UTY: variants seen among roughly 807,000 people sequenced by gnomAD.
UTY encodes the protein ubiquitously transcribed tetratricopeptide repeat containing, Y-linked, also known as histone demethylase UTY.
A neutral mutation model predicts 32.5 loss-of-function variants in UTY; 12 were observed. The ratio of observed to expected loss-of-function variants is 0.37; its 90% CI spans 0.24 to 0.60. The LOEUF (loss-of-function observed/expected upper bound fraction) is 0.60. Ranked by LOEUF, UTY falls within the 20% of genes least tolerant of loss-of-function variation. The pLI is 0.69. For synonymous variants in UTY, 131 were observed against 103.4 expected (o/e 1.27, Z -1.62); for missense variants, 303 against 299.2 (o/e 1.01, Z -0.09).
chrY:13,251,112 A>G lies in UTY; in HGVS notation c.4213T>C (p.Cys1405Arg). The change falls in exon 29 of 30, where the codon TGT becomes CGT. Residue 1405 changes from cysteine to arginine, a missense_variant. Cys to Arg is a radical substitution (Grantham distance 180). Transcript: ENST00000545955. ...AAACTTTTGCTTGTTTTTCGTGCAC[A>G]ATCATGGCAATGTACTATGTAGGTT... ...QKTYIVHCHD[C>R]ARKTSKSLEN... is the part of the protein sequence containing the mutation. 1 of 398,534 alleles carries G rather than the reference A, an allele frequency of 2.5e-6. No homozygotes were observed. Among genetic ancestry groups the G allele is most frequent in the Non-Finnish European group, 3.5e-6 (1 of 283,343 alleles).
At position 13,320,243 on chromosome Y, in the gene UTY, CTT is replaced by C. The variant is rs746155855; in HGVS notation, c.3276+3310_3276+3311del. On this transcript the variant is annotated intron_variant, in intron 21 of 29. Transcript: ENST00000545955. ...GTGTAAATGTACATTATTAGTAACA[CTT>C]ATAATAGTTATGTTAAATTATTGTG... Among the ~76,000 whole-genome samples the C allele has an allele frequency of 5.5e-4, 18 of 32,999 alleles. No homozygotes were observed. The East Asian group carries it at 0.014, about 26-fold the overall frequency. The allele number at this position is 32,999 out of a possible 37,273, so 88.5% of individuals were successfully genotyped here. A position where few individuals can be genotyped will look rare whatever the true frequency, so the allele number is the denominator to read the frequency against.
downstream of UTY, among the ~76,000 whole-genome samples, chrY:13,245,858 T>G: frequency 2.9e-5 from 1 of 34,158 alleles, no homozygotes. Flanking sequence ...ATCAGATCCC[T>G]TCTCCAGTTA....
chrY:13,239,301 A>T, intron 28 of UTY, among the ~76,000 whole-genome samples: 2 of 33,856 alleles, frequency 5.9e-5, no homozygotes, highest in African/African-American at 2.3e-4. Context: ...TAAAAGAATG[A>T]AAAAGAATTA....
At chrY:13,433,476 C>T in intron 4 of UTY, among the ~76,000 whole-genome samples, 1 of 33,354 alleles carries the variant, frequency 3.0e-5, no homozygotes, top group Non-Finnish European at 7.4e-5. Context: ...TGGACCACTG[C>T]TATCTACGAG....
At chrY:13,373,581 C>G (rs770573324) in intron 8 of UTY, among the ~76,000 whole-genome samples, 10 of 33,028 alleles carry the variant, frequency 3.0e-4, no homozygotes, top group Non-Finnish European at 6.0e-4. Flanking sequence ...AACAAGACCC[C>G]ATCTTTACAA....
chrY:13,476,896 A>C (rs541981761), intron 2 of UTY, among the ~76,000 whole-genome samples: 721 of 32,591 alleles, frequency 0.022, no homozygotes, highest in Middle Eastern at 0.2. Flanking sequence ...TGTCCAGAAA[A>C]CTTGACAGGG....
At chrY:13,242,590 T>C (rs2053914539) in intron 28 of UTY, among the ~76,000 whole-genome samples, 1 of 33,984 alleles carries the variant, frequency 2.9e-5, no homozygotes, top group African/African-American at 1.2e-4. Context: ...AATATCAATG[T>C]CATTTTTCAC....
intron 27 of UTY, among the ~76,000 whole-genome samples, chrY:13,265,043 A>G (rs2055646294): frequency 3.0e-5 from 1 of 33,289 alleles, no homozygotes; most frequent in Non-Finnish European, 7.4e-5. Context: ...TCAAGATCAG[A>G]TGGTTGTAGA....
intron 17 of UTY, among the ~76,000 whole-genome samples, chrY:13,338,613 A>G: frequency 3.1e-5 from 1 of 32,635 alleles, no homozygotes; most frequent in Non-Finnish European, 7.5e-5. Context: ...TTGGCCTCCC[A>G]AAGTGCTGTG....
At chrY:13,336,403 T>C in intron 17 of UTY, 68 bp from the exon 18 acceptor site, 1 of 260,341 alleles carries the variant, frequency 3.8e-6, no homozygotes, top group Non-Finnish European at 5.8e-6. Flanking sequence ...CTCTTGAGGA[T>C]TAAAATGTTA....
rs528054492 is a variant in UTY at position 13,352,646 on chromosome Y, A to C, written c.2061+2357T>G. On this transcript the variant is annotated intron_variant, in intron 17 of 29. Transcript: ENST00000545955. ...TTAAATCCAAAGCTAGAACAATTAA[A>C]GTTAGTGAGGAAGGCATGTCCAAAG... 6.1e-3 allele frequency among the ~76,000 whole-genome samples: 208 copies of C among 34,017 alleles called. No individual in the cohort carries two copies. The East Asian group carries it at 0.14, about 23-fold the overall frequency. 91.3% of individuals were successfully genotyped at this position (34,017 alleles called of 37,273 possible).
At chrY:13,447,402 T>G (rs2076010344) in intron 4 of UTY, among the ~76,000 whole-genome samples, 1 of 33,316 alleles carries the variant, frequency 3.0e-5, no homozygotes, top group Admixed American at 2.8e-4. Flanking sequence ...TCCAGAAATC[T>G]GAATAAAGAA....
rs1407824655 is a variant in UTY, at chrY:13,366,250, C to T, written c.866+17G>A. ...CATTACAAATAAACTCTAGATAGCA[C>T]GAGTATTTCATCTCACCTTCCAAGA... On this transcript the variant is annotated intron_variant, in intron 10 of 29. Coordinates refer to ENST00000545955, the MANE Select transcript of UTY (RefSeq NM_001258249.2). 2 of 388,339 alleles carry T rather than the reference C, an allele frequency of 5.2e-6. No homozygotes were observed. The highest frequency in any genetic ancestry group is 7.9e-5 in the Admixed American group (1 of 12,686).
At chrY:13,287,158 A>G in intron 27 of UTY, 1 of 374,955 alleles carries the variant, frequency 2.7e-6, no homozygotes, top group Non-Finnish European at 3.8e-6. Context: ...AAACAAACTG[A>G]GTCAACCAGC....
intron 19 of UTY, among the ~76,000 whole-genome samples, chrY:13,325,268 A>G (rs2060155535): frequency 3.0e-5 from 1 of 33,479 alleles, no homozygotes; most frequent in Non-Finnish European, 7.4e-5. Flanking sequence ...TGACTCTTCT[A>G]ATACCATCGT....
At chrY:13,257,488 A>G (rs1278558061) in intron 28 of UTY, among the ~76,000 whole-genome samples, 1 of 33,869 alleles carries the variant, frequency 3.0e-5, no homozygotes, top group Non-Finnish European at 7.3e-5. Flanking sequence ...TGAATCTAGC[A>G]TTATTAACTT....
At chrY:13,419,357 A>T (rs2072222080) in intron 4 of UTY, among the ~76,000 whole-genome samples, 1 of 33,064 alleles carries the variant, frequency 3.0e-5, no homozygotes, top group Non-Finnish European at 7.5e-5. Flanking sequence ...ATCCAAACCA[A>T]ACTCTCCTCC....
chrY:13,297,127 A>T, intron 27 of UTY, among the ~76,000 whole-genome samples: 2 of 33,822 alleles, frequency 5.9e-5, no homozygotes, highest in Non-Finnish European at 1.5e-4. Flanking sequence ...TATATGGCTC[A>T]CAGTTCTGCA....
At chrY:13,379,467 C>T in intron 8 of UTY, among the ~76,000 whole-genome samples, 1 of 32,497 alleles carries the variant, frequency 3.1e-5, no homozygotes, top group East Asian at 8.0e-4. Flanking sequence ...GGGGTCACAG[C>T]ACAAGTCAAC....
Sources: allele counts gnomAD v4.1 joint callset (sites outside exome capture counted in the v4.1 genomes callset), GRCh38; gene constraint gnomAD v4.1.1; transcripts MANE v1.5; gene names NCBI Gene and HGNC (gene_info 2026-07-23, HGNC 2026-07-21).